The following CACNA1D variants were observed in gnomAD, a reference collection of about 807,000 sequenced individuals.
CACNA1D encodes the protein voltage-dependent L-type calcium channel subunit alpha-1D.
A neutral mutation model predicts 257.1 loss-of-function variants in CACNA1D; 55 were observed. The ratio of observed to expected loss-of-function variants is 0.21; its 90% CI spans 0.17 to 0.27. The LOEUF (loss-of-function observed/expected upper bound fraction) is 0.27. CACNA1D is among the 10% of genes least tolerant of loss of function. The pLI is 1.00. For missense variants in CACNA1D, 1,876 were observed against 2,784.0 expected, an observed-to-expected ratio of 0.67 and a Z score of 7.34; for synonymous variants, 980 against 1,014.9, an observed-to-expected ratio of 0.97 and a Z score of 0.65.
intron 3 of CACNA1D, among the ~76,000 whole-genome samples, chr3:53,548,517 C>G (rs981995970): frequency 6.6e-6 from 1 of 152,178 alleles, no homozygotes; most frequent in Non-Finnish European, 1.5e-5. Context: ...ATCCAAGATT[C>G]TGCTGTGCTC....
At chr3:53,571,145 G>A (rs528865882) in intron 3 of CACNA1D, among the ~76,000 whole-genome samples, 1 of 152,324 alleles carries the variant, frequency 6.6e-6, no homozygotes, top group South Asian at 2.1e-4. Context: ...AGGAAAGGGA[G>A]TTTAGGATCA....
At chr3:53,664,155 A>G (rs1559485109) in intron 5 of CACNA1D, among the ~76,000 whole-genome samples, 2 of 152,138 alleles carry the variant, frequency 1.3e-5, no homozygotes. Flanking sequence ...TACCAACATC[A>G]TACTTAACAA....
intron 30 of CACNA1D, among the ~76,000 whole-genome samples, chr3:53,767,717 G>C (rs2095342275): frequency 6.6e-6 from 1 of 152,206 alleles, no homozygotes; most frequent in African/African-American, 2.4e-5. Flanking sequence ...ATGAGAGCTG[G>C]CCTCCCCTTT....
At chr3:53,724,109 A>G (rs1458635050) in intron 14 of CACNA1D, 110 bp downstream of exon 14, 5 of 867,452 alleles carry the variant, frequency 5.8e-6, no homozygotes, top group African/African-American at 1.7e-5. Context: ...ATTTTTGTTC[A>G]TCTCTGCCCT....
chr3:53,696,721 T>C lies in CACNA1D; in HGVS notation c.1221-5920T>C, dbSNP rs147726744. On this transcript the variant is annotated intron_variant, in intron 8 of 47. Transcript: ENST00000350061. ...AAGGCTGCCCAGGTGGATGGAATTCTGTAGACAAAAGCTCACAGGGTTGCG... is the reference window on the plus strand; with the variant it reads ...AAGGCTGCCCAGGTGGATGGAATTCCGTAGACAAAAGCTCACAGGGTTGCG... Among the ~76,000 whole-genome samples the C allele has an allele frequency of 2.0e-4, 30 of 152,258 alleles. No individual in the cohort carries two copies. In the East Asian group the frequency reaches 5.8e-3, roughly 29 times the overall value.
At position 53,726,961 on chromosome 3, in the gene CACNA1D, T is replaced by C; in HGVS notation, c.2183T>C (p.Val728Ala). The stretch of plus-strand genomic sequence containing the variant: ...GGCCCATCCTCTTCAGGAATGATCG[T>C]CTGCATCTACTTCATCATCCTCTTC... ...YGGPSSSGMI[V>A]CIYFIILFIC... Residue 728 changes from valine (V) to alanine (A), a missense_variant, in exon 15 of 48, where the codon GTC becomes GCC. Physicochemically the swap from Val to Ala is moderately conservative, Grantham distance 64 (BLOSUM62 0). Coordinates refer to ENST00000350061, the MANE Select transcript of CACNA1D (RefSeq NM_001128840.3). 1 of 1,614,182 alleles carries C rather than the reference T, an allele frequency of 6.2e-7. No homozygotes were observed. Among genetic ancestry groups the C allele is most frequent in the Non-Finnish European group, 8.5e-7 (1 of 1,180,006 alleles).
intron 3 of CACNA1D, among the ~76,000 whole-genome samples, chr3:53,598,821 C>T (rs1298251805): frequency 1.2e-4 from 18 of 152,140 alleles, no homozygotes; most frequent in Admixed American, 1.1e-3. Flanking sequence ...TGTGCCCATG[C>T]CTGGGTGTTG....
intron 3 of CACNA1D, among the ~76,000 whole-genome samples, chr3:53,618,265 G>T (rs1462741392): frequency 6.6e-6 from 1 of 152,214 alleles, no homozygotes; most frequent in African/African-American, 2.4e-5. Context: ...GGGCACCAAG[G>T]TCGCCCAGGT....
intron 9 of CACNA1D, among the ~76,000 whole-genome samples, chr3:53,711,235 G>C (rs1005931083): frequency 1.3e-5 from 2 of 152,152 alleles, no homozygotes; most frequent in Non-Finnish European, 2.9e-5. Flanking sequence ...AACAGAGTGC[G>C]ATCTCTGTCT....
At chr3:53,592,710 T>C (rs1339779798) in intron 3 of CACNA1D, among the ~76,000 whole-genome samples, 1 of 148,500 alleles carries the variant, frequency 6.7e-6, no homozygotes, top group Non-Finnish European at 1.5e-5. Flanking sequence ...CTAGTTCTGT[T>C]TTTTTTTTTT....
chr3:53,806,682 G>C (rs1381806237), intron 45 of CACNA1D, among the ~76,000 whole-genome samples: 1 of 152,128 alleles, frequency 6.6e-6, no homozygotes, highest in East Asian at 1.9e-4. Context: ...ATACTATAAA[G>C]AGCACCACTG....
chr3:53,759,325 T>C (rs2095286212), intron 29 of CACNA1D, among the ~76,000 whole-genome samples: 1 of 152,234 alleles, frequency 6.6e-6, no homozygotes, highest in African/African-American at 2.4e-5. Flanking sequence ...CTGATAATTC[T>C]GGAGAGAGGG....
intron 3 of CACNA1D, among the ~76,000 whole-genome samples, chr3:53,625,502 C>T (rs558897980): frequency 2.0e-5 from 3 of 152,280 alleles, no homozygotes; most frequent in East Asian, 1.9e-4. Flanking sequence ...AGGACCCAAG[C>T]GGTGCTGTTC....
chr3:53,711,601 A>G (rs1320376681), intron 9 of CACNA1D, among the ~76,000 whole-genome samples: 1 of 152,214 alleles, frequency 6.6e-6, no homozygotes, highest in African/African-American at 2.4e-5. Flanking sequence ...TTCAGACAGC[A>G]GGGACGTGAA....
chr3:53,721,263 T>G (rs2094880130), intron 11 of CACNA1D, among the ~76,000 whole-genome samples: 1 of 152,216 alleles, frequency 6.6e-6, no homozygotes, highest in Non-Finnish European at 1.5e-5. Flanking sequence ...CACAACTCTT[T>G]CTCTGCTCAC....
In CACNA1D at chr3:53,497,403, T is replaced by C; in HGVS notation, c.319T>C (p.Phe107Leu). The C allele has an allele frequency of 3.7e-6, 6 of 1,614,208 alleles. No individual in the cohort carries two copies. Among genetic ancestry groups the C allele is most frequent in the Non-Finnish European group, 5.1e-6 (6 of 1,180,030 alleles). Residue 107 changes from phenylalanine to leucine, a missense_variant, in exon 2 of 48, where the codon TTC (phenylalanine) becomes CTC (leucine). Physicochemically the swap from Phe to Leu is conservative, Grantham distance 22. Around this residue, in one of 10 missense-constraint regions of CACNA1D, gnomAD observed 143 missense variants for 168.7 expected, o/e 0.85. Coordinates refer to ENST00000350061, the MANE Select transcript of CACNA1D (RefSeq NM_001128840.3). ...CAACAGCCGACCTGCCCGCGCCCTTTTCTGTTTATCACTCAATAACCCCAT... is the reference window on the plus strand; with the variant it reads ...CAACAGCCGACCTGCCCGCGCCCTTCTCTGTTTATCACTCAATAACCCCAT... ...SSNSRPARAL[F>L]CLSLNNPIRR...
At chr3:53,782,590 T>C (rs2095432075) in intron 39 of CACNA1D, 1 of 152,024 alleles carries the variant, frequency 6.6e-6, no homozygotes, top group Non-Finnish European at 1.5e-5. Context: ...CCTGAGAAGG[T>C]GATGAGCTCT....
At position 53,769,905 on chromosome 3, in the gene CACNA1D, A is replaced by G. The variant is rs1285243875; in HGVS notation, c.3871-68A>G. On this transcript the variant is annotated intron_variant, in intron 30 of 47. Coordinates refer to ENST00000350061, the MANE Select transcript of CACNA1D (RefSeq NM_001128840.3). ...AACCACACATTTTTTTAAAGGGGGAAATGCTCTCTGGAACCATTGACTCCT... is the reference window on the plus strand; with the variant it reads ...AACCACACATTTTTTTAAAGGGGGAGATGCTCTCTGGAACCATTGACTCCT... 5 of 1,208,006 alleles carry G rather than the reference A, an allele frequency of 4.1e-6. No individual in the cohort carries two copies. The East Asian group carries it at 9.3e-5, about 22-fold the overall frequency. The allele number at this position is 1,208,006 out of a possible 1,614,324, so 74.8% of individuals were successfully genotyped here.
At chr3:53,596,860 A>G (rs1426313778) in intron 3 of CACNA1D, among the ~76,000 whole-genome samples, 2 of 152,226 alleles carry the variant, frequency 1.3e-5, no homozygotes, top group Admixed American at 6.5e-5. Context: ...TATAGAAGCA[A>G]TGGGAAACAT....
Sources: gnomAD v4.1 joint callset for allele counts (sites outside exome capture counted in the v4.1 genomes callset) on GRCh38, gnomAD v4.1.1 for gene constraint, gnomAD v4.1.1 regional missense constraint, MANE v1.5 for transcripts, NCBI Gene and HGNC (gene_info 2026-07-23, HGNC 2026-07-21) for gene names.